The following DRG1 variants were observed in gnomAD, a reference collection of about 807,000 sequenced individuals.
DRG1 encodes the protein developmentally regulated GTP binding protein 1.
In DRG1, 19 loss-of-function variants were observed where a neutral mutation model predicts 38.8. The observed-to-expected ratio is 0.49, with a 90% confidence interval of 0.34 to 0.72. The LOEUF (loss-of-function observed/expected upper bound fraction) is 0.72, where lower values mean the gene tolerates loss of function less well. Among genes scored for constraint, DRG1 ranks in the 30% least tolerant of loss-of-function variants. The pLI, the probability that DRG1 is intolerant of heterozygous loss-of-function variation, is 0.01. For synonymous variants in DRG1, 167 were observed against 157.5 expected, an observed-to-expected ratio of 1.06 and a Z score of -0.45; for missense variants, 299 against 444.8, an observed-to-expected ratio of 0.67 and a Z score of 2.95.
chr22:31,422,597 A>G (rs1487209100), intron 5 of DRG1, among the ~76,000 whole-genome samples: 1 of 152,188 alleles, frequency 6.6e-6, no homozygotes, highest in Non-Finnish European at 1.5e-5. Flanking sequence ...TTGAGGACTG[A>G]GAGTTTCCTA....
intron 6 of DRG1, 22 bp from the exon 7 acceptor site, chr22:31,426,591 CCT>C (rs1335260387): frequency 7.5e-6 from 12 of 1,595,042 alleles, no homozygotes; most frequent in East Asian, 2.2e-5. Flanking sequence ...AGACTAATAC[CCT>C]GTTTTTCTTC....
intron 8 of DRG1, among the ~76,000 whole-genome samples, 165 bp downstream of exon 8, chr22:31,427,347 G>C (rs1024361733): frequency 2.6e-5 from 4 of 152,108 alleles, no homozygotes; most frequent in Admixed American, 6.6e-5. Flanking sequence ...TGCCTAATTA[G>C]AATAGGAAGA....
At chr22:31,417,762 G>A (rs1261350740) in intron 4 of DRG1, among the ~76,000 whole-genome samples, 3 of 151,346 alleles carry the variant, frequency 2.0e-5, no homozygotes, top group African/African-American at 4.9e-5. Flanking sequence ...AGGCTGAGGC[G>A]AGCGGATCAC....
intron 4 of DRG1, 116 bp from the exon 5 acceptor site, chr22:31,420,140 T>C: frequency 8.7e-6 from 10 of 1,145,794 alleles, no homozygotes; most frequent in Non-Finnish European, 1.2e-5. Context: ...ATGTATGTAT[T>C]ACAGAAAAAT....
chr22:31,410,310 C>T lies in DRG1; in HGVS notation c.343-702C>T, dbSNP rs2050011311. ...TCCCTACTAAAAATACAAAAATTAGCTGGGCGTGGTGGCGTGCACCTGTAG... is the reference window on the plus strand; with the variant it reads ...TCCCTACTAAAAATACAAAAATTAGTTGGGCGTGGTGGCGTGCACCTGTAG... On this transcript the variant is annotated intron_variant, in intron 3 of 8. Coordinates refer to ENST00000331457, the MANE Select transcript of DRG1 (RefSeq NM_004147.4). Among the ~76,000 whole-genome samples the T allele has an allele frequency of 2.0e-5, 3 of 150,708 alleles. 1 individual carries two copies. The South Asian group carries it at 6.4e-4, about 32-fold the overall frequency.
In DRG1 at chr22:31,428,395, A is replaced by G. The variant is rs530921520; in HGVS notation, c.1004+1213A>G. Among the ~76,000 whole-genome samples, 16 of 151,814 alleles carry G rather than the reference A, an allele frequency of 1.1e-4. 1 individual carries two copies. In the South Asian group the frequency reaches 3.3e-3, roughly 32 times the overall value. ...CCCGGCTAATTTTTTTGTATTTTTC[A>G]GTAGAGATGGGGTTTCACCGTGTTA... On this transcript the variant is annotated intron_variant, in intron 8 of 8. Transcript: ENST00000331457.
chr22:31,433,272 A>ATTT (rs695603), intron 8 of DRG1, among the ~76,000 whole-genome samples: 3 of 132,636 alleles, frequency 2.3e-5, no homozygotes, highest in Admixed American at 7.8e-5. Flanking sequence ...TTAAAGACGG[A>ATTT]TTTTTTTTTT....
Position 31,399,690 on chromosome 22 carries a change from A to G in DRG1, c.7A>G (p.Ser3Gly), listed in dbSNP as rs751625606. The G allele has an allele frequency of 5.6e-6, 9 of 1,613,944 alleles. No homozygotes were observed. Among genetic ancestry groups the G allele is most frequent in the Non-Finnish European group, 7.6e-6 (9 of 1,179,900 alleles). The change falls in exon 1 of 9, where the codon AGC becomes GGC. Residue 3 changes from serine (S) to glycine (G), a missense_variant. Physicochemically the swap from Ser to Gly is moderately conservative, Grantham distance 56 (BLOSUM62 0). Around this residue, in one of 3 missense-constraint regions of DRG1, gnomAD observed 51 missense variants for 56.1 expected, o/e 0.91. Transcript: ENST00000331457. MSSTLAKIAEIEA... is the reference protein window; with the variant it reads MSGTLAKIAEIEA... ...CCACAGGGTACTCGCCACGATGAGCAGCACCTTAGCTAAGATCGCGGAGAT... is the reference window on the plus strand; with the variant it reads ...CCACAGGGTACTCGCCACGATGAGCGGCACCTTAGCTAAGATCGCGGAGAT...
At chr22:31,413,609 GTTTTTTT>G (rs35654476) in intron 4 of DRG1, among the ~76,000 whole-genome samples, 45 of 60,484 alleles carry the variant, frequency 7.4e-4, no homozygotes, top group Non-Finnish European at 1.1e-3. Flanking sequence ...CCTATTGTGG[GTTTTTTT>G]TTTTTTTTTT....
chr22:31,400,664 G>A lies in DRG1; in HGVS notation c.87G>A (p.Gly29=). 6.2e-7 allele frequency: 1 copy of A among 1,613,398 alleles called. No homozygotes were observed. Among genetic ancestry groups the A allele is most frequent in the Admixed American group, 1.7e-5 (1 of 59,956 alleles). Residue 29 remains glycine, a synonymous_variant, in exon 2 of 9, where the codon GGG becomes GGA. Coordinates refer to ENST00000331457, the MANE Select transcript of DRG1 (RefSeq NM_004147.4). ...QKNKATAHHL[G]LLKARLAKLR... ...ACAAGGCCACAGCACACCACTTAGG[G>A]CTGCTTAAGGCTCGTCTTGCTAAGC... is the stretch of plus-strand genomic sequence containing the variant.
intron 4 of DRG1, among the ~76,000 whole-genome samples, chr22:31,419,068 G>A (rs2050060863): frequency 6.6e-6 from 1 of 152,216 alleles, no homozygotes; most frequent in East Asian, 1.9e-4. Flanking sequence ...TCTCGCTTCA[G>A]CCTCCCAAAG....
intron 4 of DRG1, 89 bp from the exon 5 acceptor site, chr22:31,420,162 TAAATG>T (rs2050068474): frequency 7.0e-7 from 1 of 1,420,670 alleles, no homozygotes; most frequent in Non-Finnish European, 9.6e-7. Context: ...CTTTGACACT[TAAATG>T]TAGGGGGAAA....
intron 7 of DRG1, 135 bp downstream of exon 7, chr22:31,426,917 G>A (rs1014765418): frequency 6.7e-7 from 1 of 1,484,348 alleles, no homozygotes; most frequent in African/African-American, 1.4e-5. Flanking sequence ...TATCTACTAG[G>A]TCATTAGGTC....
chr22:31,423,149 A>T, intron 5 of DRG1, 131 bp from the exon 6 acceptor site: 1 of 1,124,704 alleles, frequency 8.9e-7, no homozygotes, highest in Non-Finnish European at 1.3e-6. Context: ...AGTCAGTGAC[A>T]CTCATCCCGG....
chr22:31,400,555 A>T (rs1337385493), intron 1 of DRG1, 65 bp from the exon 2 acceptor site: 19 of 1,582,752 alleles, frequency 1.2e-5, no homozygotes, highest in Non-Finnish European at 1.6e-5. Flanking sequence ...GAAAAAAATT[A>T]TCCTCTCAAA....
In DRG1 at chr22:31,433,878, G is replaced by A; in HGVS notation, c.1011G>A (p.Leu337=). The change falls in exon 9 of 9, where the codon CTG becomes CTA. Residue 337 remains leucine, a synonymous_variant. Coordinates refer to ENST00000331457, the MANE Select transcript of DRG1 (RefSeq NM_004147.4). ...KNLIKEFKYA[L]VWGLSVKHNP... ...CTTTTTCCCTTCCATGCAGTGCTCT[G>A]GTCTGGGGTCTCTCTGTGAAACACA... The A allele has an allele frequency of 6.2e-7, 1 of 1,613,970 alleles. No individual in the cohort carries two copies. Among genetic ancestry groups the A allele is most frequent in the African/African-American group, 1.3e-5 (1 of 75,024 alleles).
At chr22:31,401,999 C>T (rs1347363408) in intron 2 of DRG1, among the ~76,000 whole-genome samples, 4 of 151,058 alleles carry the variant, frequency 2.6e-5, no homozygotes, top group Admixed American at 6.6e-5. Flanking sequence ...TGCAGTGAGC[C>T]GAGATCATGC....
chr22:31,411,783 C>T (rs1243986118), intron 4 of DRG1, among the ~76,000 whole-genome samples: 1 of 151,668 alleles, frequency 6.6e-6, no homozygotes, highest in Non-Finnish European at 1.5e-5. Flanking sequence ...TCCCAGAGTG[C>T]TGTCCTTTCA....
chr22:31,432,173 C>T (rs934619357), intron 8 of DRG1, among the ~76,000 whole-genome samples: 2 of 151,198 alleles, frequency 1.3e-5, no homozygotes, highest in Non-Finnish European at 2.9e-5. Flanking sequence ...AACTCCTGGG[C>T]TCAAGCGATC....
Sources: gnomAD v4.1 joint callset for allele counts (sites outside exome capture counted in the v4.1 genomes callset) on GRCh38, gnomAD v4.1.1 for gene constraint, gnomAD v4.1.1 regional missense constraint, MANE v1.5 for transcripts, NCBI Gene and HGNC (gene_info 2026-07-23, HGNC 2026-07-21) for gene names.